ZNF492: variants seen among roughly 807,000 people sequenced by gnomAD.
ZNF492 encodes the protein zinc finger protein 492.
Under a neutral mutation model 6.4 loss-of-function variants are expected in ZNF492, and 3 were observed. That is an observed-to-expected ratio of 0.47 (90% confidence interval 0.21 to 1.22). The LOEUF (loss-of-function observed/expected upper bound fraction) is 1.22. Ranked by LOEUF, ZNF492 falls within the 50% of genes most tolerant of loss-of-function variation. ZNF492 has a pLI of 0.22. For synonymous variants in ZNF492, 112 were observed against 205.3 expected (o/e 0.55, Z 3.89); for missense variants, 356 against 612.5 (o/e 0.58, Z 4.42).
chr19:22,636,304 G>C (rs1053973358), intron 1 of ZNF492, among the ~76,000 whole-genome samples: 21 of 151,962 alleles, frequency 1.4e-4, no homozygotes, highest in Non-Finnish European at 2.6e-4. Context: ...TCTCCATGTT[G>C]GTCAGGCTGG....
chr19:22,644,248 A>G (rs1473158181), intron 1 of ZNF492, among the ~76,000 whole-genome samples: 1 of 131,936 alleles, frequency 7.6e-6, no homozygotes, highest in Non-Finnish European at 1.7e-5. Flanking sequence ...AATATTGAAT[A>G]CTTATTTTAT....
Position 22,665,339 on chromosome 19 carries a change from A to G in ZNF492, c.*74A>G, listed in dbSNP as rs1319101095. On this transcript the variant is annotated 3_prime_UTR_variant, in exon 4 of 4. Coordinates refer to ENST00000456783, the MANE Select transcript of ZNF492 (RefSeq NM_020855.3). ...GTAGGTAAGGTAATTCATTCTGGAG[A>G]AAACTTCTACAAGTGTGAATGAACA... The G allele has an allele frequency of 6.7e-7, 1 of 1,496,902 alleles. No individual in the cohort carries two copies. Among genetic ancestry groups the G allele is most frequent in the Non-Finnish European group, 8.9e-7 (1 of 1,123,922 alleles). The allele number at this position is 1,496,902 out of a possible 1,614,324, so 92.7% of individuals were successfully genotyped here. A position where few individuals can be genotyped will look rare whatever the true frequency, so the allele number is the denominator to read the frequency against.
At position 22,645,280 on chromosome 19, in the gene ZNF492, C is replaced by T. The variant is rs568225062; in HGVS notation, c.-93-8027C>T. Among the ~76,000 whole-genome samples the T allele has an allele frequency of 1.3e-4, 20 of 152,290 alleles. 1 individual carries two copies. The South Asian group carries it at 4.1e-3, about 32-fold the overall frequency. ...CAGGCTGGTCTCGAACTCCATACCT[C>T]AAACGATCCACCCACCTTGGCCTCC... On this transcript the variant is annotated intron_variant, in intron 1 of 3. Transcript: ENST00000456783.
chr19:22,639,667 C>T (rs1205080888), intron 1 of ZNF492, among the ~76,000 whole-genome samples: 2 of 149,548 alleles, frequency 1.3e-5, no homozygotes, highest in Non-Finnish European at 3.0e-5. Flanking sequence ...GCCAAGATCG[C>T]GCCACCGCAC....
rs1972127852 is a variant in ZNF492, at chr19:22,666,325, G to C, written c.*1060G>C. ...CCTGCCTCAGCCTCCCAAGTGGCTG[G>C]GATTACAGGCGCAAACCACCATGCG... On this transcript the variant is annotated 3_prime_UTR_variant, in exon 4 of 4. Coordinates refer to ENST00000456783, the MANE Select transcript of ZNF492 (RefSeq NM_020855.3). 1 of 151,664 alleles carries C rather than the reference G, an allele frequency of 6.6e-6. No individual in the cohort carries two copies. Among genetic ancestry groups the C allele is most frequent in the African/African-American group, 2.4e-5 (1 of 41,280 alleles). The allele number at this position is 151,664 out of a possible 1,614,324, so 9.4% of individuals were successfully genotyped here.
chr19:22,659,202 T>C (rs1444615480), intron 3 of ZNF492, among the ~76,000 whole-genome samples: 1 of 151,032 alleles, frequency 6.6e-6, no homozygotes, highest in Non-Finnish European at 1.5e-5. Context: ...ATTTTTTTTC[T>C]CGTTGTATAC....
At position 22,665,775 on chromosome 19, in the gene ZNF492, T is replaced by C. The variant is rs1442431937; in HGVS notation, c.*510T>C. ...AAACATTTATTCAAAAACTACAGGT[T>C]AGAAAATTCCAGAGAGTTCATATTA... On this transcript the variant is annotated 3_prime_UTR_variant, in exon 4 of 4. Coordinates refer to ENST00000456783, the MANE Select transcript of ZNF492 (RefSeq NM_020855.3). The C allele has an allele frequency of 6.5e-6, 1 of 154,358 alleles. No homozygotes were observed. Among genetic ancestry groups the C allele is most frequent in the Non-Finnish European group, 1.4e-5 (1 of 69,418 alleles). 9.6% of individuals were successfully genotyped at this position (154,358 alleles called of 1,614,324 possible).
intron 1 of ZNF492, 30 bp downstream of exon 1, chr19:22,634,504 G>A (rs1027146939): frequency 3.6e-5 from 50 of 1,374,890 alleles, no homozygotes; most frequent in Non-Finnish European, 5.1e-5. Flanking sequence ...CATCCCGAGA[G>A]AGGGGAAGGG....
chr19:22,652,713 G>A (rs1286506401), intron 1 of ZNF492, among the ~76,000 whole-genome samples: 2 of 151,690 alleles, frequency 1.3e-5, no homozygotes, highest in Admixed American at 1.3e-4. Context: ...CCGAGTAGCT[G>A]GGACTACGGG....
chr19:22,646,177 T>C (rs551956108), intron 1 of ZNF492, among the ~76,000 whole-genome samples: 73 of 152,344 alleles, frequency 4.8e-4, no homozygotes, highest in Non-Finnish European at 6.2e-4. Context: ...TCCATTTGAT[T>C]GTGTGCTCTC....
At chr19:22,659,559 G>GAT in intron 3 of ZNF492, among the ~76,000 whole-genome samples, 1 of 121,636 alleles carries the variant, frequency 8.2e-6, no homozygotes, top group South Asian at 2.5e-4. Flanking sequence ...CCTAATGTGA[G>GAT]ATACACACAC....
chr19:22,657,694 G>T (rs1018623640), intron 3 of ZNF492, among the ~76,000 whole-genome samples: 3 of 151,880 alleles, frequency 2.0e-5, no homozygotes, highest in Non-Finnish European at 4.4e-5. Context: ...TTCAGTGTAG[G>T]TTTCTTAACA....
At chr19:22,634,757 A>C (rs1971743194) in intron 1 of ZNF492, among the ~76,000 whole-genome samples, 1 of 152,016 alleles carries the variant, frequency 6.6e-6, no homozygotes, top group Admixed American at 6.6e-5. Context: ...TCTCTCCCAG[A>C]TTGTGCAGGG....
chr19:22,638,483 A>G (rs185591658), intron 1 of ZNF492, among the ~76,000 whole-genome samples: 402 of 152,198 alleles, frequency 2.6e-3, no homozygotes, highest in African/African-American at 8.0e-3. Flanking sequence ...TTCTTTCCAG[A>G]TTCCTGTTGT....
chr19:22,640,719 C>T (rs1971817956), intron 1 of ZNF492, among the ~76,000 whole-genome samples: 1 of 152,158 alleles, frequency 6.6e-6, no homozygotes, highest in Non-Finnish European at 1.5e-5. Context: ...TGTCCATCTA[C>T]TAGAATTCAG....
At chr19:22,643,438 T>C (rs912652327) in intron 1 of ZNF492, among the ~76,000 whole-genome samples, 1 of 152,102 alleles carries the variant, frequency 6.6e-6, no homozygotes, top group Non-Finnish European at 1.5e-5. Context: ...GTGACAAGAG[T>C]GCCAAGTATA....
At chr19:22,652,012 G>T (rs1480854063) in intron 1 of ZNF492, among the ~76,000 whole-genome samples, 1 of 152,056 alleles carries the variant, frequency 6.6e-6, no homozygotes, top group Non-Finnish European at 1.5e-5. Context: ...TTTTGGCTGG[G>T]CAATATCATA....
intron 3 of ZNF492, among the ~76,000 whole-genome samples, chr19:22,655,935 C>T (rs1971992711): frequency 7.1e-6 from 1 of 141,364 alleles, no homozygotes; most frequent in African/African-American, 2.7e-5. Flanking sequence ...AGTGATTCTC[C>T]TGCCTCTGCC....
intron 1 of ZNF492, among the ~76,000 whole-genome samples, chr19:22,637,625 T>C (rs527857785): frequency 2.0e-5 from 3 of 152,300 alleles, no homozygotes; most frequent in South Asian, 2.1e-4. Context: ...CAGTATACAA[T>C]TGATAAGCAT....
Sources: gnomAD v4.1 joint callset for allele counts (sites outside exome capture counted in the v4.1 genomes callset) on GRCh38, gnomAD v4.1.1 for gene constraint, MANE v1.5 for transcripts, NCBI Gene and HGNC (gene_info 2026-07-23, HGNC 2026-07-21) for gene names.